LAMA2: variants seen among roughly 807,000 people sequenced by gnomAD.
LAMA2 encodes the protein laminin subunit alpha-2.
LAMA2 carries 269 observed loss-of-function variants against 364.8 expected under a neutral mutation model. The ratio of observed to expected loss-of-function variants is 0.74; its 90% CI spans 0.67 to 0.82. LAMA2 has a LOEUF of 0.82. Among genes scored for constraint, LAMA2 ranks in the 40% least tolerant of loss-of-function variants. The pLI is 0.00. For missense variants in LAMA2, 3,807 were observed against 3,873.2 expected (o/e 0.98, Z 0.45); for synonymous variants, 1,379 against 1,370.6 (o/e 1.01, Z -0.14).
At chr6:129,255,221 C>T (rs1489801514) in intron 14 of LAMA2, among the ~76,000 whole-genome samples, 3 of 151,652 alleles carry the variant, frequency 2.0e-5, no homozygotes, top group Non-Finnish European at 4.4e-5. Flanking sequence ...GCCTGACCAA[C>T]ATGGTGAAAC....
chr6:129,136,478 T>C (rs1246649662), intron 4 of LAMA2, among the ~76,000 whole-genome samples: 2 of 150,102 alleles, frequency 1.3e-5, no homozygotes, highest in Non-Finnish European at 3.0e-5. Context: ...AAAAAGAAAA[T>C]GTTACAGCCA....
chr6:129,257,877 G>A (rs956213499), intron 14 of LAMA2, among the ~76,000 whole-genome samples: 2 of 152,122 alleles, frequency 1.3e-5, no homozygotes, highest in Non-Finnish European at 2.9e-5. Context: ...CATCTGAAAT[G>A]TGGCTAGTAG....
At chr6:129,207,675 TG>T (rs1782766587) in intron 12 of LAMA2, among the ~76,000 whole-genome samples, 1 of 151,482 alleles carries the variant, frequency 6.6e-6, no homozygotes, top group Non-Finnish European at 1.5e-5. Context: ...TGATACATTT[TG>T]TTTTAGAAGA....
At chr6:129,442,530 CTTTTA>C (rs956989631) in intron 43 of LAMA2, among the ~76,000 whole-genome samples, 3 of 152,058 alleles carry the variant, frequency 2.0e-5, no homozygotes, top group South Asian at 2.1e-4. Context: ...ATATTTTTAA[CTTTTA>C]TTTTAAGTTC....
intron 1 of LAMA2, among the ~76,000 whole-genome samples, chr6:128,976,491 G>A (rs1022364468): frequency 4.6e-5 from 7 of 152,178 alleles, no homozygotes; most frequent in African/African-American, 1.4e-4. Context: ...GGAAGAGACT[G>A]TGTAGTAGGA....
At chr6:129,227,836 C>A (rs1432309992) in intron 12 of LAMA2, among the ~76,000 whole-genome samples, 1 of 152,070 alleles carries the variant, frequency 6.6e-6, no homozygotes, top group African/African-American at 2.4e-5. Flanking sequence ...GCTGGGAGAA[C>A]CACTACTCTC....
At chr6:128,979,421 G>T (rs749662764) in intron 1 of LAMA2, among the ~76,000 whole-genome samples, 1 of 152,122 alleles carries the variant, frequency 6.6e-6, no homozygotes, top group Non-Finnish European at 1.5e-5. Context: ...AATATGGACT[G>T]CTTTGATTTT....
intron 3 of LAMA2, among the ~76,000 whole-genome samples, chr6:129,066,773 C>T (rs1789390298): frequency 6.6e-6 from 1 of 152,142 alleles, no homozygotes; most frequent in African/African-American, 2.4e-5. Flanking sequence ...TAAATCTAAG[C>T]ATTTATGGTC....
chr6:129,158,714 G>T, intron 8 of LAMA2: 2 of 1,614,170 alleles, frequency 1.2e-6, no homozygotes, highest in South Asian at 2.2e-5. Flanking sequence ...GGGGCATGTG[G>T]GTTGCAAATA....
chr6:129,245,878 A>G (rs1424284688), intron 12 of LAMA2, among the ~76,000 whole-genome samples: 1 of 152,234 alleles, frequency 6.6e-6, no homozygotes, highest in Non-Finnish European at 1.5e-5. Flanking sequence ...CAAGTAACAG[A>G]ATGGATAAAT....
chr6:128,929,231 T>C (rs772889002), intron 1 of LAMA2: 486 of 1,485,188 alleles, frequency 3.3e-4, no homozygotes, highest in Non-Finnish European at 4.2e-4. Flanking sequence ...CTTCTTCCTC[T>C]GATTGATGTA....
chr6:128,940,091 G>A (rs1780062820), intron 1 of LAMA2, among the ~76,000 whole-genome samples: 1 of 149,412 alleles, frequency 6.7e-6, no homozygotes, highest in Admixed American at 6.6e-5. Context: ...GTTATGTTTT[G>A]TTCATAATGG....
At chr6:128,996,696 G>A (rs982871417) in intron 1 of LAMA2, among the ~76,000 whole-genome samples, 1 of 152,190 alleles carries the variant, frequency 6.6e-6, no homozygotes, top group Non-Finnish European at 1.5e-5. Flanking sequence ...AATTAGTTCA[G>A]ACATTCTGGA....
At chr6:129,230,567 G>A (rs1784618733) in intron 12 of LAMA2, among the ~76,000 whole-genome samples, 1 of 151,950 alleles carries the variant, frequency 6.6e-6, no homozygotes, top group Non-Finnish European at 1.5e-5. Flanking sequence ...GAACATGGGA[G>A]GAAAATGCTG....
chr6:129,509,325 G>GT (rs1786373653), intron 62 of LAMA2, among the ~76,000 whole-genome samples: 2 of 152,032 alleles, frequency 1.3e-5, no homozygotes, highest in African/African-American at 4.8e-5. Flanking sequence ...TTTGTTGATT[G>GT]TTTACTTTGC....
chr6:129,158,115 T>TC, intron 8 of LAMA2: 1 of 1,612,328 alleles, frequency 6.2e-7, no homozygotes, highest in South Asian at 1.1e-5. Flanking sequence ...GGCAGCTGAA[T>TC]AAGCCAATTT....
In LAMA2 at chr6:129,185,554, C is replaced by T. The variant is rs1256692775; in HGVS notation, c.1468-4651C>T. On this transcript the variant is annotated intron_variant, in intron 10 of 64. Transcript: ENST00000421865. ...AGAATGAAAATTGGTTCTTTGGGAACAAAAATATCATATTGATTTTATGTA... is the reference window on the plus strand; with the variant it reads ...AGAATGAAAATTGGTTCTTTGGGAATAAAAATATCATATTGATTTTATGTA... Among the ~76,000 whole-genome samples, 165 of 151,512 alleles carry T rather than the reference C, an allele frequency of 1.1e-3. 3 individuals carry two copies. Among genetic ancestry groups the T allele is most frequent in the Non-Finnish European group, 1.3e-4 (9 of 67,704 alleles).
At chr6:129,132,534 C>T (rs1777553557) in intron 4 of LAMA2, among the ~76,000 whole-genome samples, 1 of 152,172 alleles carries the variant, frequency 6.6e-6, no homozygotes. Context: ...AGAACATGTC[C>T]TGCTTTCCTT....
intron 12 of LAMA2, among the ~76,000 whole-genome samples, chr6:129,226,325 C>T (rs917321728): frequency 1.0e-3 from 153 of 152,104 alleles, no homozygotes; most frequent in Non-Finnish European, 1.7e-3. Flanking sequence ...GAGCATTTAG[C>T]CCATTTACGT....
Sources: gnomAD v4.1 joint callset for allele counts (sites outside exome capture counted in the v4.1 genomes callset) on GRCh38, gnomAD v4.1.1 for gene constraint, MANE v1.5 for transcripts, NCBI Gene and HGNC (gene_info 2026-07-23, HGNC 2026-07-21) for gene names.